The following FGF14 variants were observed in gnomAD, a reference collection of about 807,000 sequenced individuals.
FGF14 encodes the protein fibroblast growth factor homologous factor 4.
FGF14 carries 5 observed loss-of-function variants against 25.5 expected under a neutral mutation model. The observed-to-expected ratio is 0.20, with a 90% CI of 0.10 to 0.41. FGF14 has a LOEUF of 0.41. Ranked by LOEUF, FGF14 falls within the 10% of genes least tolerant of loss-of-function variation. The pLI is 1.00. For synonymous variants in FGF14, 138 were observed against 118.3 expected (o/e 1.17, Z -1.08); for missense variants, 222 against 320.1 (o/e 0.69, Z 2.34).
chr13:101,738,921 A>ATATATG (rs929156030), intron 3 of FGF14, among the ~76,000 whole-genome samples: 9 of 133,380 alleles, frequency 6.7e-5, no homozygotes, highest in Non-Finnish European at 1.1e-4. Context: ...TGGTATATAT[A>ATATATG]TATATGTATA....
At chr13:101,803,612 A>G (rs2041027256) in intron 3 of FGF14, among the ~76,000 whole-genome samples, 1 of 151,736 alleles carries the variant, frequency 6.6e-6, no homozygotes, top group Non-Finnish European at 1.5e-5. Context: ...AAGTTAATAA[A>G]CAGTAAAGTT....
intron 1 of FGF14, among the ~76,000 whole-genome samples, chr13:102,282,347 C>T (rs977368439): frequency 2.0e-5 from 3 of 152,136 alleles, no homozygotes; most frequent in African/African-American, 4.8e-5. Flanking sequence ...AGCCACCACG[C>T]CCAGCCTCCT....
chr13:101,822,494 CAAA>C (rs34333597), intron 3 of FGF14, among the ~76,000 whole-genome samples: 3 of 143,814 alleles, frequency 2.1e-5, no homozygotes, highest in Non-Finnish European at 1.5e-5. Flanking sequence ...AAATTTCTAC[CAAA>C]AAAAAAAAAA....
At chr13:102,396,481 T>C (rs1378470322) in intron 1 of FGF14, among the ~76,000 whole-genome samples, 2 of 152,062 alleles carry the variant, frequency 1.3e-5, no homozygotes, top group Non-Finnish European at 2.9e-5. Flanking sequence ...AGTGAAAACA[T>C]TGGTTGTTGT....
chr13:102,133,245 A>G (rs2046274612), intron 1 of FGF14, among the ~76,000 whole-genome samples: 1 of 152,220 alleles, frequency 6.6e-6, no homozygotes, highest in Non-Finnish European at 1.5e-5. Flanking sequence ...CTTTTTGATC[A>G]TAGTTATTAT....
intron 1 of FGF14, among the ~76,000 whole-genome samples, chr13:101,950,650 G>C (rs2139386157): frequency 6.6e-6 from 1 of 152,158 alleles, no homozygotes; most frequent in South Asian, 2.1e-4. Flanking sequence ...TTCGTTCAAA[G>C]GGAAAAGCTA....
intron 1 of FGF14, among the ~76,000 whole-genome samples, chr13:102,278,627 A>AATATAT (rs10578533): frequency 0.028 from 4,121 of 147,462 alleles, 189 homozygotes; most frequent in African/African-American, 0.095. Context: ...CATTTTATGT[A>AATATAT]ATATATATAT....
chr13:101,991,240 C>G (rs890227256), intron 1 of FGF14, among the ~76,000 whole-genome samples: 5 of 152,056 alleles, frequency 3.3e-5, no homozygotes, highest in Non-Finnish European at 7.4e-5. Context: ...GGGTAACAAT[C>G]ACCACCAAAT....
intron 1 of FGF14, among the ~76,000 whole-genome samples, chr13:102,130,533 C>T (rs604713): frequency 0.49 from 74,207 of 152,066 alleles, 20,101 homozygotes; most frequent in East Asian, 0.86. Context: ...AGCCAGCAGT[C>T]TGGCAAATAA....
intron 1 of FGF14, among the ~76,000 whole-genome samples, chr13:102,363,922 T>C (rs1489553691): frequency 6.6e-6 from 1 of 152,206 alleles, no homozygotes. Context: ...ATGGATCTTT[T>C]CCTGAAGAAA....
At chr13:101,968,451 A>G (rs181364052) in intron 1 of FGF14, among the ~76,000 whole-genome samples, 1 of 152,116 alleles carries the variant, frequency 6.6e-6, no homozygotes, top group Non-Finnish European at 1.5e-5. Context: ...AGGCAGGCGG[A>G]TCATGAGGTC....
At chr13:101,909,565 A>T (rs368833291) in intron 1 of FGF14, among the ~76,000 whole-genome samples, 9 of 152,158 alleles carry the variant, frequency 5.9e-5, no homozygotes, top group Admixed American at 2.0e-4. Flanking sequence ...CCAGTTAGAA[A>T]GGCGATCATT....
intron 1 of FGF14, among the ~76,000 whole-genome samples, chr13:102,265,517 G>T (rs1026944898): frequency 2.6e-5 from 4 of 152,232 alleles, no homozygotes; most frequent in African/African-American, 9.6e-5. Flanking sequence ...ATGGAAAAAT[G>T]GAAGTGTTTT....
At chr13:102,187,961 G>A (rs2140797856) in intron 1 of FGF14, among the ~76,000 whole-genome samples, 1 of 152,290 alleles carries the variant, frequency 6.6e-6, no homozygotes, top group Non-Finnish European at 1.5e-5. Context: ...AAGGACAGTT[G>A]AAAGATAAGT....
At chr13:102,222,433 C>A (rs1415052) in intron 1 of FGF14, among the ~76,000 whole-genome samples, 1 of 152,194 alleles carries the variant, frequency 6.6e-6, no homozygotes, top group East Asian at 1.9e-4. Flanking sequence ...AAGACATGCA[C>A]TGCAGCCTTA....
chr13:101,969,819 G>A (rs1330950790), intron 1 of FGF14, among the ~76,000 whole-genome samples: 1 of 152,174 alleles, frequency 6.6e-6, no homozygotes, highest in Non-Finnish European at 1.5e-5. Flanking sequence ...AGGAGAGGTT[G>A]GGTGGAGGTT....
chr13:102,297,915 G>C (rs1485962023), intron 1 of FGF14, among the ~76,000 whole-genome samples: 2 of 151,984 alleles, frequency 1.3e-5, no homozygotes, highest in African/African-American at 4.8e-5. Context: ...GTGGAAAGCT[G>C]GCCACAGTGG....
intron 1 of FGF14, among the ~76,000 whole-genome samples, chr13:102,070,807 C>T (rs2043122263): frequency 6.6e-6 from 1 of 152,036 alleles, no homozygotes; most frequent in Non-Finnish European, 1.5e-5. Flanking sequence ...TAAATTTTTC[C>T]TCTGTAGACT....
chr13:102,210,348 G>A lies in FGF14; in HGVS notation c.208+191123C>T, dbSNP rs966351929. Among the ~76,000 whole-genome samples the A allele has an allele frequency of 3.3e-5, 5 of 152,146 alleles. No individual in the cohort carries two copies. The East Asian group carries it at 9.7e-4, about 29-fold the overall frequency. ...ATTATTTATGTATTTTAAATGAATA[G>A]CAGTAGTGAACAAATCACGGTAGTT... On this transcript the variant is annotated intron_variant, in intron 1 of 4. Transcript: ENST00000376131.
Sources: allele counts gnomAD v4.1 joint callset (sites outside exome capture counted in the v4.1 genomes callset), GRCh38; gene constraint gnomAD v4.1.1; transcripts MANE v1.5; gene names NCBI Gene and HGNC (gene_info 2026-07-23, HGNC 2026-07-21).